STAT5A: variants seen among roughly 807,000 people sequenced by gnomAD.
STAT5A encodes signal transducer and activator of transcription 5A.
STAT5A carries 26 observed loss-of-function variants against 100.2 expected under a neutral mutation model. The observed-to-expected ratio is 0.26, with a 90% CI of 0.19 to 0.36. The LOEUF is 0.36. Among genes scored for constraint, STAT5A ranks in the 10% least tolerant of loss-of-function variants. STAT5A has a pLI of 1.00. For missense variants in STAT5A, 634 were observed against 1,027.5 expected, an observed-to-expected ratio of 0.62 and a Z score of 5.24; for synonymous variants, 330 against 424.3, an observed-to-expected ratio of 0.78 and a Z score of 2.73.
intron 8 of STAT5A, 55 bp from the exon 9 acceptor site, chr17:42,301,220 G>A: frequency 6.3e-7 from 1 of 1,585,288 alleles, no homozygotes; most frequent in Non-Finnish European, 8.6e-7. Context: ...GGGACTGAGA[G>A]CCCTTTCCCC....
intron 3 of STAT5A, among the ~76,000 whole-genome samples, chr17:42,290,360 C>T (rs576833051): frequency 6.6e-6 from 1 of 152,258 alleles, no homozygotes; most frequent in Admixed American, 6.5e-5. Flanking sequence ...GCCACCAGAC[C>T]TCCCTCTTGG....
At chr17:42,292,274 A>T (rs2080876485) in intron 4 of STAT5A, among the ~76,000 whole-genome samples, 1 of 151,900 alleles carries the variant, frequency 6.6e-6, no homozygotes, top group Non-Finnish European at 1.5e-5. Flanking sequence ...TAGCTGTGTG[A>T]CTTGAGCAAG....
At chr17:42,291,884 C>A in intron 3 of STAT5A, 88 bp from the exon 4 acceptor site, 2 of 1,424,476 alleles carry the variant, frequency 1.4e-6, no homozygotes, top group Non-Finnish European at 1.9e-6. Context: ...GAGGCAGAGG[C>A]TGAAGGAGAG....
chr17:42,290,272 G>A (rs1195928711), intron 3 of STAT5A: 7 of 404,802 alleles, frequency 1.7e-5, no homozygotes, highest in Non-Finnish European at 2.6e-5. Context: ...CCTTATGGAA[G>A]CAGCAGAAGG....
Position 42,310,576 on chromosome 17 carries a change from G to A in STAT5A, c.2292G>A (p.Val764=). The A allele has an allele frequency of 1.2e-6, 2 of 1,614,246 alleles. No homozygotes were observed. Among genetic ancestry groups the A allele is most frequent in the South Asian group, 2.2e-5 (2 of 91,092 alleles). ...AGACCATGGATGTGGCCAGGCACGT[G>A]GAGGAACTCTTACGCCGACCAATGG... ...LDETMDVARH[V]EELLRRPMDS... is the part of the protein sequence containing the mutation. Residue 764 remains valine (V), a synonymous_variant, in exon 19 of 19, where the codon GTG becomes GTA. Transcript: ENST00000590949.
At chr17:42,307,762 C>A in intron 15 of STAT5A, 39 bp downstream of exon 15, 1 of 1,602,454 alleles carries the variant, frequency 6.2e-7, no homozygotes, top group Non-Finnish European at 8.5e-7. Context: ...CCCCAAGGCC[C>A]GGTCTCTTGT....
At chr17:42,289,171 AC>A (rs1281245749) in intron 1 of STAT5A, 7 of 418,130 alleles carry the variant, frequency 1.7e-5, no homozygotes, top group Non-Finnish European at 3.0e-5. Flanking sequence ...CGGGGAGGGC[AC>A]CTGCCTCTGC....
At chr17:42,292,704 G>A (rs1316807307) in intron 4 of STAT5A, among the ~76,000 whole-genome samples, 1 of 149,852 alleles carries the variant, frequency 6.7e-6, no homozygotes, top group Admixed American at 6.7e-5. Flanking sequence ...TCTGCTCACT[G>A]CAACCTCTGC....
At chr17:42,289,803 C>T in intron 2 of STAT5A, 63 bp from the exon 3 acceptor site, 3 of 1,450,994 alleles carry the variant, frequency 2.1e-6, no homozygotes, top group Non-Finnish European at 2.7e-6. Flanking sequence ...TTTATTCCAG[C>T]TCCCTGACCT....
rs754730609 is a variant in STAT5A at position 42,310,561 on chromosome 17, T to C, written c.2277T>C (p.Asp759=). The part of the protein sequence containing the change: ...DGEFDLDETM[D]VARHVEELLR... Reference sequence around the variant, plus strand: ...AATTCGACCTGGATGAGACCATGGATGTGGCCAGGCACGTGGAGGAACTCT... The same window carrying C: ...AATTCGACCTGGATGAGACCATGGACGTGGCCAGGCACGTGGAGGAACTCT... Residue 759 remains aspartate (D), a synonymous_variant, in exon 19 of 19, where the codon GAT becomes GAC. Coordinates refer to ENST00000590949, the MANE Select transcript of STAT5A (RefSeq NM_001288718.2). 20 of 1,614,118 alleles carry C rather than the reference T, an allele frequency of 1.2e-5. No individual in the cohort carries two copies. The East Asian group carries it at 1.6e-4, about 13-fold the overall frequency.
At chr17:42,299,707 G>A in intron 5 of STAT5A, 44 bp from the exon 6 acceptor site, 1 of 1,613,852 alleles carries the variant, frequency 6.2e-7, no homozygotes, top group Non-Finnish European at 8.5e-7. Flanking sequence ...CCTCCTGTTG[G>A]ACACTAGGAG....
chr17:42,304,253 C>T lies in STAT5A; in HGVS notation c.1170-89C>T. ...GGCAGGGGCTGCTGGCAGGGCTGACCTGAGCGAAGACCCCAGCCCGAGGTG... is the reference window on the plus strand; with the variant it reads ...GGCAGGGGCTGCTGGCAGGGCTGACTTGAGCGAAGACCCCAGCCCGAGGTG... On this transcript the variant is annotated intron_variant, in intron 9 of 18. Coordinates refer to ENST00000590949, the MANE Select transcript of STAT5A (RefSeq NM_001288718.2). The surrounding 1 kb of genome is among the most constrained non-coding windows in gnomAD (Gnocchi z 4.8). 1 of 1,308,486 alleles carries T rather than the reference C, an allele frequency of 7.6e-7. No individual in the cohort carries two copies. The highest frequency in any genetic ancestry group is 1.1e-6 in the Non-Finnish European group (1 of 915,802). 81.1% of individuals were successfully genotyped at this position (1,308,486 alleles called of 1,614,324 possible).
chr17:42,291,200 A>G (rs1430085543), intron 3 of STAT5A, among the ~76,000 whole-genome samples: 1 of 152,212 alleles, frequency 6.6e-6, no homozygotes. Context: ...TAGCATTCCT[A>G]TGGGAATCCA....
intron 4 of STAT5A, among the ~76,000 whole-genome samples, chr17:42,293,820 G>A (rs1038010651): frequency 2.0e-5 from 3 of 152,254 alleles, no homozygotes; most frequent in African/African-American, 7.2e-5. Context: ...CAGCAGCTGC[G>A]AGAGCAGGAG....
rs570632507 is a variant in STAT5A at position 42,307,182 on chromosome 17, T to A, written c.1681-220T>A. Among the ~76,000 whole-genome samples the A allele has an allele frequency of 8.5e-5, 13 of 152,312 alleles. No homozygotes were observed. The South Asian group carries it at 2.5e-3, about 29-fold the overall frequency. On this transcript the variant is annotated intron_variant, in intron 13 of 18. Coordinates refer to ENST00000590949, the MANE Select transcript of STAT5A (RefSeq NM_001288718.2). ...TCTTTACACCTCTTACTCCCACCCT[T>A]GGGCTGGTCTTGGACCCCTGTGTCT...
intron 15 of STAT5A, 118 bp downstream of exon 15, chr17:42,307,841 T>C: frequency 7.1e-7 from 1 of 1,406,844 alleles, no homozygotes; most frequent in Non-Finnish European, 9.7e-7. Context: ...GGAAGCTTAG[T>C]ATGAGAGGGC....
chr17:42,301,205 A>G, intron 8 of STAT5A, 70 bp from the exon 9 acceptor site: 1 of 1,567,746 alleles, frequency 6.4e-7, no homozygotes, highest in Non-Finnish European at 8.7e-7. Context: ...CACCCCCACC[A>G]CAGAGGGACT....
chr17:42,300,706 C>T lies in STAT5A; in HGVS notation c.834-9C>T. ...TTGTCCTCCTGTTGGCCTTGGGGCTCTCGTGCAGGTGTGAGAAGTTGGCCG... is the reference window on the plus strand; with the variant it reads ...TTGTCCTCCTGTTGGCCTTGGGGCTTTCGTGCAGGTGTGAGAAGTTGGCCG... On this transcript the variant is annotated splice_polypyrimidine_tract_variant and intron_variant, in intron 7 of 18. Coordinates refer to ENST00000590949, the MANE Select transcript of STAT5A (RefSeq NM_001288718.2). 1.2e-6 allele frequency: 2 copies of T among 1,613,754 alleles called. No individual in the cohort carries two copies. Among genetic ancestry groups the T allele is most frequent in the Non-Finnish European group, 1.7e-6 (2 of 1,179,808 alleles).
intron 18 of STAT5A, 44 bp from the exon 19 acceptor site, chr17:42,310,463 G>C (rs1358480922): frequency 5.0e-6 from 8 of 1,604,670 alleles, no homozygotes; most frequent in Non-Finnish European, 6.8e-6. Context: ...GCTTGAGGCT[G>C]TGAGACATGC....
Sources: allele counts gnomAD v4.1 joint callset (sites outside exome capture counted in the v4.1 genomes callset), GRCh38; gene constraint gnomAD v4.1.1; non-coding constraint Gnocchi (gnomAD v3.1); transcripts MANE v1.5; gene names NCBI Gene and HGNC (gene_info 2026-07-23, HGNC 2026-07-21).